SLC25A53: variants seen among roughly 807,000 people sequenced by gnomAD.
SLC25A53 encodes the protein solute carrier family 25 member 53.
A neutral mutation model predicts 15.0 loss-of-function variants in SLC25A53; 5 were observed. The observed-to-expected ratio is 0.33, with a 90% CI of 0.17 to 0.70. SLC25A53 has a LOEUF of 0.70. Among genes scored for constraint, SLC25A53 ranks in the 30% least tolerant of loss-of-function variants. The pLI, the probability that SLC25A53 is intolerant of heterozygous loss-of-function variation, is 0.67. For missense variants in SLC25A53, 216 were observed against 241.6 expected (o/e 0.89, Z 0.70); for synonymous variants, 95 against 100.0 (o/e 0.95, Z 0.30).
At chrX:104,152,281 T>C (rs782778437) in intron 1 of SLC25A53, among the ~76,000 whole-genome samples, 2 of 93,254 alleles carry the variant, frequency 2.1e-5, no homozygotes, top group South Asian at 6.1e-4. Context: ...CCTGTGTCCA[T>C]ATGTTCTCAA....
In SLC25A53 at chrX:104,100,531, A is replaced by G. The variant is rs1398558393; in HGVS notation, c.*3803T>C. The G allele has an allele frequency of 8.9e-6, 1 of 111,860 alleles. No individual in the cohort carries two copies. Among genetic ancestry groups the G allele is most frequent in the Non-Finnish European group, 1.9e-5 (1 of 53,215 alleles). 9.2% of individuals were successfully genotyped at this position (111,860 alleles called of 1,213,427 possible). ...GACTATGCCCTTAAATTTTGCTCACAACTTTTAAGTGGAAAAAGTTGACAG... is the reference window on the plus strand; with the variant it reads ...GACTATGCCCTTAAATTTTGCTCACGACTTTTAAGTGGAAAAAGTTGACAG... On this transcript the variant is annotated 3_prime_UTR_variant, in exon 2 of 2. Coordinates refer to ENST00000594199, the MANE Select transcript of SLC25A53 (RefSeq NM_001012755.5).
At chrX:104,115,536 CT>C in intron 1 of SLC25A53, 1 of 351,353 alleles carries the variant, frequency 2.8e-6, no homozygotes, top group Non-Finnish European at 5.1e-6. Flanking sequence ...AGGGTCTATT[CT>C]CCATGTGTCT....
At chrX:104,129,503 A>C (rs2075419606) in intron 1 of SLC25A53, among the ~76,000 whole-genome samples, 1 of 110,801 alleles carries the variant, frequency 9.0e-6, no homozygotes, top group Non-Finnish European at 1.9e-5. Context: ...AAAATATGGC[A>C]CTAGATCGAC....
At chrX:104,130,151 C>T (rs782415208) in intron 1 of SLC25A53, among the ~76,000 whole-genome samples, 1 of 111,120 alleles carries the variant, frequency 9.0e-6, no homozygotes, top group East Asian at 2.8e-4. Flanking sequence ...ATCCAACTGA[C>T]CATACATCCT....
intron 1 of SLC25A53, chrX:104,114,551 T>C: frequency 8.3e-7 from 1 of 1,211,845 alleles, no homozygotes; most frequent in Non-Finnish European, 1.1e-6. Context: ...AAAGCCTCCC[T>C]TTATGTGATC....
chrX:104,146,991 C>A (rs2147880009), intron 1 of SLC25A53, among the ~76,000 whole-genome samples: 1 of 111,916 alleles, frequency 8.9e-6, no homozygotes, highest in South Asian at 3.7e-4. Context: ...GCCTGCATTG[C>A]CAAGTCAATC....
chrX:104,143,801 C>T (rs2075457963), intron 1 of SLC25A53, among the ~76,000 whole-genome samples: 1 of 111,119 alleles, frequency 9.0e-6, no homozygotes, highest in Middle Eastern at 4.2e-3. Flanking sequence ...ATAATCATCA[C>T]ATTCACCAAG....
chrX:104,117,519 A>G (rs1297873198), intron 1 of SLC25A53, among the ~76,000 whole-genome samples: 1 of 110,822 alleles, frequency 9.0e-6, no homozygotes, highest in Non-Finnish European at 1.9e-5. Flanking sequence ...AAGGTCCAAG[A>G]GACCCACTTT....
intron 1 of SLC25A53, among the ~76,000 whole-genome samples, chrX:104,108,640 A>G (rs1234784854): frequency 1.8e-5 from 2 of 111,439 alleles, no homozygotes; most frequent in African/African-American, 6.5e-5. Flanking sequence ...CCTTAAGCAG[A>G]TATCACCTGT....
chrX:104,136,798 T>C (rs1446427194), intron 1 of SLC25A53, among the ~76,000 whole-genome samples: 1 of 111,882 alleles, frequency 8.9e-6, no homozygotes, highest in Non-Finnish European at 1.9e-5. Context: ...CACCTCTCAT[T>C]GTATTATAAA....
At chrX:104,155,211 T>C (rs1328307494) in intron 1 of SLC25A53, among the ~76,000 whole-genome samples, 1 of 107,275 alleles carries the variant, frequency 9.3e-6, no homozygotes, top group Non-Finnish European at 1.9e-5. Context: ...CAGGCTGGAG[T>C]GCAGTGGCGC....
chrX:104,105,969 T>G (rs2075307116), intron 1 of SLC25A53, among the ~76,000 whole-genome samples: 1 of 112,017 alleles, frequency 8.9e-6, no homozygotes, highest in Non-Finnish European at 1.9e-5. Context: ...TTTCTTAACC[T>G]CAGTGCTATT....
rs187396119 is a variant in SLC25A53 at position 104,138,897 on chromosome X, C to T, written c.-32+17981G>A. Reference sequence around the variant, plus strand: ...TGTGTTCCTCCACTGATGTGCTCCTCTCAATGCCCAGCCACATGTGTGTCT... The same window carrying T: ...TGTGTTCCTCCACTGATGTGCTCCTTTCAATGCCCAGCCACATGTGTGTCT... On this transcript the variant is annotated intron_variant, in intron 1 of 1. Transcript: ENST00000594199. Among the ~76,000 whole-genome samples the T allele has an allele frequency of 3.6e-5, 4 of 111,680 alleles. No homozygotes were observed. The East Asian group carries it at 1.1e-3, about 32-fold the overall frequency.
intron 1 of SLC25A53, among the ~76,000 whole-genome samples, chrX:104,123,655 T>G (rs781824579): frequency 1.8e-5 from 2 of 110,856 alleles, no homozygotes; most frequent in Non-Finnish European, 3.8e-5. Context: ...GGTGGTTTGC[T>G]GCATCCATCG....
At chrX:104,146,877 C>T (rs1556369170) in intron 1 of SLC25A53, among the ~76,000 whole-genome samples, 1 of 110,896 alleles carries the variant, frequency 9.0e-6, no homozygotes, top group Admixed American at 9.6e-5. Flanking sequence ...GCCATACAGC[C>T]CAAGGTAATT....
intron 1 of SLC25A53, among the ~76,000 whole-genome samples, chrX:104,123,550 T>TA (rs1422282236): frequency 4.5e-5 from 5 of 111,614 alleles, no homozygotes; most frequent in East Asian, 2.8e-4. Context: ...TGTTTATTTT[T>TA]TTTTTTTACT....
intron 1 of SLC25A53, among the ~76,000 whole-genome samples, chrX:104,111,552 AAG>A (rs1339019772): frequency 9.0e-6 from 1 of 111,519 alleles, no homozygotes; most frequent in Admixed American, 9.5e-5. Flanking sequence ...AAGTACCAAG[AAG>A]AGTTTCCTCT....
At position 104,105,040 on chromosome X, in the gene SLC25A53, C is replaced by T; in HGVS notation, c.218G>A (p.Gly73Asp). The change falls in exon 2 of 2, where the codon GGT becomes GAT. Residue 73 changes from glycine (G) to aspartate (D), a missense_variant. Coordinates refer to ENST00000594199, the MANE Select transcript of SLC25A53 (RefSeq NM_001012755.5). ...GATTCCCCGGTAGAAGTATTGAGGA[C>T]CTTCATGCCAAAGCTGTCTCACAGC... ...SEAVRQLWHE[G>D]PQYFYRGIYP... The T allele has an allele frequency of 8.3e-7, 1 of 1,211,998 alleles. No individual in the cohort carries two copies. Among genetic ancestry groups the T allele is most frequent in the Non-Finnish European group, 1.1e-6 (1 of 895,540 alleles).
intron 1 of SLC25A53, among the ~76,000 whole-genome samples, chrX:104,134,197 G>A (rs2075431590): frequency 1.8e-5 from 2 of 111,960 alleles, no homozygotes; most frequent in Non-Finnish European, 3.8e-5. Context: ...CCACTTCAAT[G>A]TGTGGCAATA....
Sources: allele counts gnomAD v4.1 joint callset (sites outside exome capture counted in the v4.1 genomes callset), GRCh38; gene constraint gnomAD v4.1.1; transcripts MANE v1.5; gene names NCBI Gene and HGNC (gene_info 2026-07-23, HGNC 2026-07-21).